KALRN: variants seen among roughly 807,000 people sequenced by gnomAD.
KALRN encodes the protein kalirin.
KALRN carries 70 observed loss-of-function variants against 353.7 expected under a neutral mutation model. That is an observed-to-expected ratio of 0.20 (90% confidence interval 0.16 to 0.24). KALRN has a LOEUF of 0.24. KALRN is among the 10% of genes least tolerant of loss of function. KALRN has a pLI of 1.00. For missense variants in KALRN, 2,791 were observed against 3,756.7 expected, an observed-to-expected ratio of 0.74 and a Z score of 6.72; for synonymous variants, 1,391 against 1,434.8, an observed-to-expected ratio of 0.97 and a Z score of 0.69.
rs2074422306 is a variant in KALRN, at chr3:124,187,930, CAGTAGGGT to C, written c.74-40057_74-40050del. Reference sequence around the variant, plus strand: ...GTGCATTTTCACCTGGTTACTGTCCCAGTAGGGTAGATAAACTGGAAGTCCTCAACCCT... The same window carrying C: ...GTGCATTTTCACCTGGTTACTGTCCCAGATAAACTGGAAGTCCTCAACCCT... On this transcript the variant is annotated intron_variant, in intron 1 of 59. Coordinates refer to ENST00000682506, the MANE Select transcript of KALRN (RefSeq NM_001388419.1). Among the ~76,000 whole-genome samples, 3 of 152,158 alleles carry C rather than the reference CAGTAGGGT, an allele frequency of 2.0e-5. No homozygotes were observed. The South Asian group carries it at 6.2e-4, about 32-fold the overall frequency.
chr3:124,571,717 G>A (rs2073527611), intron 34 of KALRN, among the ~76,000 whole-genome samples: 1 of 151,736 alleles, frequency 6.6e-6, no homozygotes, highest in Non-Finnish European at 1.5e-5. Flanking sequence ...TGGAGACAGG[G>A]CCTCACTCTG....
intron 33 of KALRN, chr3:124,518,430 G>A (rs140378067): frequency 4.7e-5 from 76 of 1,613,904 alleles, no homozygotes; most frequent in Non-Finnish European, 6.0e-5. Flanking sequence ...GTGGCACCTG[G>A]GACCTGGAGA....
intron 1 of KALRN, chr3:124,152,559 TTTC>T: frequency 1.6e-6 from 1 of 632,660 alleles, no homozygotes; most frequent in Non-Finnish European, 2.7e-6. Context: ...TTTCTTTTCT[TTTC>T]TTTTCTTTTC....
rs771785883 is a variant in KALRN at position 124,152,015 on chromosome 3, C to T, written c.74-75975C>T. ...GTCCTCCCTGTTGCCAGCATCTCCACCTTCTACAAAATGGATGGTCTTTTT... is the reference window on the plus strand; with the variant it reads ...GTCCTCCCTGTTGCCAGCATCTCCATCTTCTACAAAATGGATGGTCTTTTT... On this transcript the variant is annotated intron_variant, in intron 1 of 59. Transcript: ENST00000682506. The T allele has an allele frequency of 1.2e-5, 18 of 1,490,664 alleles. No homozygotes were observed. The East Asian group carries it at 3.8e-4, about 32-fold the overall frequency. 92.3% of individuals were successfully genotyped at this position (1,490,664 alleles called of 1,614,324 possible). A position where few individuals can be genotyped will look rare whatever the true frequency, so the allele number is the denominator to read the frequency against.
intron 33 of KALRN, among the ~76,000 whole-genome samples, chr3:124,534,839 A>C (rs1438470951): frequency 6.6e-6 from 1 of 152,220 alleles, no homozygotes; most frequent in African/African-American, 2.4e-5. Flanking sequence ...GACACTGGAC[A>C]TCAGACAACA....
rs556540934 is a variant in KALRN at position 124,365,027 on chromosome 3, C to G, written c.1770+17762C>G. On this transcript the variant is annotated intron_variant, in intron 10 of 59. Coordinates refer to ENST00000682506, the MANE Select transcript of KALRN (RefSeq NM_001388419.1). ...AGCCTTATCCCTCCTGCCCTGGTCA[C>G]TCCTTTACCAAGTATGACCTCAGCA... Among the ~76,000 whole-genome samples the G allele has an allele frequency of 1.1e-4, 17 of 152,338 alleles. No homozygotes were observed. The South Asian group carries it at 3.3e-3, about 30-fold the overall frequency.
intron 13 of KALRN, among the ~76,000 whole-genome samples, chr3:124,405,481 C>T (rs2091414973): frequency 6.6e-6 from 1 of 152,106 alleles, no homozygotes; most frequent in Admixed American, 6.5e-5. Context: ...GTTATAGGAG[C>T]TCTTCAACAA....
intron 34 of KALRN, among the ~76,000 whole-genome samples, chr3:124,626,800 A>G (rs2080008833): frequency 6.6e-6 from 1 of 152,226 alleles, no homozygotes; most frequent in Non-Finnish European, 1.5e-5. Context: ...AGATGAAAGG[A>G]ACACATGGAA....
At chr3:124,189,501 G>A (rs1260508855) in intron 1 of KALRN, among the ~76,000 whole-genome samples, 3 of 152,140 alleles carry the variant, frequency 2.0e-5, no homozygotes, top group Admixed American at 2.0e-4. Flanking sequence ...ATGCAAGAGT[G>A]TGTAAAAAGC....
intron 5 of KALRN, among the ~76,000 whole-genome samples, chr3:124,272,870 A>G (rs1173256913): frequency 1.3e-5 from 2 of 152,128 alleles, no homozygotes; most frequent in Non-Finnish European, 2.9e-5. Context: ...GAAGAGGGTG[A>G]TGGTTTGGAA....
chr3:124,422,738 T>A, intron 14 of KALRN, 74 bp from the exon 15 acceptor site: 1 of 1,231,666 alleles, frequency 8.1e-7, no homozygotes, highest in Non-Finnish European at 1.2e-6. Context: ...TCCAGTTTTC[T>A]TATGCATATT....
intron 1 of KALRN, among the ~76,000 whole-genome samples, chr3:124,139,470 C>T (rs2066352895): frequency 6.6e-6 from 1 of 152,146 alleles, no homozygotes; most frequent in Non-Finnish European, 1.5e-5. Flanking sequence ...TAGCTATGTA[C>T]TAGGCCCTGC....
intron 3 of KALRN, among the ~76,000 whole-genome samples, chr3:124,251,217 G>A (rs1560361681): frequency 6.6e-6 from 1 of 152,112 alleles, no homozygotes; most frequent in South Asian, 2.1e-4. Flanking sequence ...TCCCTCCAAG[G>A]TGTACATCCT....
At chr3:124,095,054 T>C (rs1216870088) in intron 1 of KALRN, 3 of 781,436 alleles carry the variant, frequency 3.8e-6, no homozygotes, top group African/African-American at 1.7e-5. Flanking sequence ...AGCAAACCCA[T>C]GGAAAGTAAA....
chr3:124,609,518 A>T (rs191436464), intron 34 of KALRN, among the ~76,000 whole-genome samples: 182 of 152,282 alleles, frequency 1.2e-3, no homozygotes, highest in African/African-American at 4.1e-3. Flanking sequence ...TCTGTGACTG[A>T]TGAGTAGTAG....
intron 51 of KALRN, among the ~76,000 whole-genome samples, chr3:124,690,166 G>A (rs1365208157): frequency 6.6e-6 from 1 of 151,972 alleles, no homozygotes; most frequent in Non-Finnish European, 1.5e-5. Flanking sequence ...GAACAATATG[G>A]CCCATTAGAA....
At chr3:124,236,312 G>C (rs1423741313) in intron 3 of KALRN, among the ~76,000 whole-genome samples, 1 of 152,168 alleles carries the variant, frequency 6.6e-6, no homozygotes, top group Non-Finnish European at 1.5e-5. Flanking sequence ...TCATTATAAA[G>C]AAGAAATACT....
intron 28 of KALRN, among the ~76,000 whole-genome samples, chr3:124,483,380 A>G (rs1375517801): frequency 3.9e-5 from 6 of 152,112 alleles, no homozygotes; most frequent in Non-Finnish European, 7.4e-5. Flanking sequence ...GCAAAACTCC[A>G]TCTCTACTAA....
intron 26 of KALRN, among the ~76,000 whole-genome samples, chr3:124,477,044 C>T (rs2061490693): frequency 6.6e-6 from 1 of 152,166 alleles, no homozygotes; most frequent in Non-Finnish European, 1.5e-5. Flanking sequence ...AAGCTTTCTC[C>T]ACGTGCTGAC....
Sources: gnomAD v4.1 joint callset for allele counts (sites outside exome capture counted in the v4.1 genomes callset) on GRCh38, gnomAD v4.1.1 for gene constraint, MANE v1.5 for transcripts, NCBI Gene and HGNC (gene_info 2026-07-23, HGNC 2026-07-21) for gene names.